Variants in DPP6 observed in about 807,000 individuals in gnomAD.
DPP6 encodes the protein dipeptidyl peptidase like 6, also known as A-type potassium channel modulatory protein DPP6.
A neutral mutation model predicts 122.6 loss-of-function variants in DPP6; 69 were observed. The observed-to-expected ratio is 0.56, with a 90% CI of 0.46 to 0.69. DPP6 has a LOEUF of 0.69. Among genes scored for constraint, DPP6 ranks in the 30% least tolerant of loss-of-function variants. DPP6 has a pLI of 0.00. For missense variants in DPP6, 928 were observed against 1,116.9 expected, an observed-to-expected ratio of 0.83 and a Z score of 2.41; for synonymous variants, 418 against 433.1, an observed-to-expected ratio of 0.97 and a Z score of 0.43.
intron 5 of DPP6, among the ~76,000 whole-genome samples, chr7:154,572,084 T>TA (rs1831146455): frequency 6.6e-6 from 1 of 152,168 alleles, no homozygotes; most frequent in Admixed American, 6.5e-5. Flanking sequence ...TTCTGCTCAG[T>TA]CCTGAGAGAA....
chr7:154,126,443 C>T (rs575455782), intron 1 of DPP6, among the ~76,000 whole-genome samples: 1 of 151,826 alleles, frequency 6.6e-6, no homozygotes, highest in Non-Finnish European at 1.5e-5. Flanking sequence ...GTGCTGTCAT[C>T]TTATGAGGGC....
chr7:154,172,483 T>C (rs1016487710), intron 1 of DPP6, among the ~76,000 whole-genome samples: 1 of 152,216 alleles, frequency 6.6e-6, no homozygotes, highest in Non-Finnish European at 1.5e-5. Context: ...TGTTGAAACA[T>C]GAACCAAAAC....
intron 17 of DPP6, among the ~76,000 whole-genome samples, chr7:154,860,270 G>A (rs188644843): frequency 2.6e-5 from 4 of 152,218 alleles, no homozygotes; most frequent in East Asian, 3.9e-4. Context: ...AGCACAGGGC[G>A]CCCACACATG....
intron 1 of DPP6, among the ~76,000 whole-genome samples, chr7:154,014,822 A>G (rs141658434): frequency 0.015 from 2,321 of 152,132 alleles, 21 homozygotes; most frequent in Middle Eastern, 0.027. Context: ...ATGAGGCAGC[A>G]ATCCTGGTTC....
chr7:153,758,658 A>C, the DPP6 span, among the ~76,000 whole-genome samples: 9 of 152,266 alleles, frequency 5.9e-5, no homozygotes, highest in African/African-American at 2.2e-4. Flanking sequence ...ACTTTCACTA[A>C]GTATAATTAT....
chr7:154,498,250 G>A (rs555620166), intron 3 of DPP6, among the ~76,000 whole-genome samples: 1 of 152,166 alleles, frequency 6.6e-6, no homozygotes, highest in African/African-American at 2.4e-5. Flanking sequence ...GAGGTGGAAG[G>A]TAATAGAATC....
intron 5 of DPP6, among the ~76,000 whole-genome samples, chr7:154,600,150 T>C (rs1833344805): frequency 6.6e-6 from 1 of 152,000 alleles, no homozygotes. Context: ...TTTTCTGAGA[T>C]GGAGTCTCAC....
At chr7:154,017,651 G>C in intron 1 of DPP6, among the ~76,000 whole-genome samples, 1 of 149,118 alleles carries the variant, frequency 6.7e-6, no homozygotes, top group Non-Finnish European at 1.5e-5. Flanking sequence ...AGTGAGCTAT[G>C]ATGGCACCAC....
At chr7:153,953,442 A>G (rs1477459654) in intron 1 of DPP6, among the ~76,000 whole-genome samples, 1 of 152,046 alleles carries the variant, frequency 6.6e-6, no homozygotes, top group Non-Finnish European at 1.5e-5. Context: ...TTTCCCACCA[A>G]CCCTCAAAAT....
At chr7:153,765,622 G>A in the DPP6 span, among the ~76,000 whole-genome samples, 1 of 152,036 alleles carries the variant, frequency 6.6e-6, no homozygotes, top group Non-Finnish European at 1.5e-5. Context: ...TCTACATTCA[G>A]GGGGTATATC....
intron 1 of DPP6, among the ~76,000 whole-genome samples, chr7:154,380,378 A>G (rs1813487837): frequency 6.6e-6 from 1 of 152,368 alleles, no homozygotes; most frequent in Admixed American, 6.5e-5. Flanking sequence ...ATATGTGCAT[A>G]TAGAGGGAGA....
chr7:154,685,057 T>C (rs1839515376), intron 7 of DPP6, among the ~76,000 whole-genome samples: 1 of 152,204 alleles, frequency 6.6e-6, no homozygotes, highest in African/African-American at 2.4e-5. Context: ...TGAACTATAA[T>C]AGAACATCTC....
chr7:154,404,637 A>C (rs571642828), intron 1 of DPP6, among the ~76,000 whole-genome samples: 4 of 152,360 alleles, frequency 2.6e-5, no homozygotes, highest in African/African-American at 9.6e-5. Context: ...TAATGATGGA[A>C]ATTCAAATTA....
chr7:154,334,538 A>G (rs1809231456), intron 1 of DPP6, among the ~76,000 whole-genome samples: 1 of 152,204 alleles, frequency 6.6e-6, no homozygotes, highest in Non-Finnish European at 1.5e-5. Context: ...TCTGGAGTCT[A>G]GTTGCTGCTC....
intron 1 of DPP6, among the ~76,000 whole-genome samples, chr7:154,113,394 C>CATAT (rs143477890): frequency 2.5e-3 from 347 of 139,008 alleles, no homozygotes; most frequent in African/African-American, 8.2e-3. Context: ...TGTTTTCCTA[C>CATAT]ATATATATAT....
chr7:153,806,478 C>G, the DPP6 span, among the ~76,000 whole-genome samples: 16,631 of 148,838 alleles, frequency 0.11, 1,521 homozygotes, highest in African/African-American at 0.25. Context: ...GAAGGAGGTA[C>G]AGTGGGTGTG....
intron 1 of DPP6, among the ~76,000 whole-genome samples, chr7:154,093,340 T>C: frequency 7.2e-6 from 1 of 139,748 alleles, no homozygotes; most frequent in Non-Finnish European, 1.5e-5. Context: ...CACCACATCA[T>C]ACACAGCATA....
intron 7 of DPP6, among the ~76,000 whole-genome samples, chr7:154,671,484 G>A (rs1354068773): frequency 2.0e-5 from 3 of 151,976 alleles, no homozygotes; most frequent in Non-Finnish European, 4.4e-5. Flanking sequence ...TCACCCAGCG[G>A]CTGTAACTCA....
the DPP6 span, among the ~76,000 whole-genome samples, chr7:153,843,710 C>T: frequency 6.6e-6 from 1 of 152,144 alleles, no homozygotes; most frequent in East Asian, 1.9e-4. Context: ...GAGATAAGAA[C>T]TTACAATATA....
Sources: gnomAD v4.1 joint callset for allele counts (sites outside exome capture counted in the v4.1 genomes callset) on GRCh38, gnomAD v4.1.1 for gene constraint, MANE v1.5 for transcripts, NCBI Gene and HGNC (gene_info 2026-07-23, HGNC 2026-07-21) for gene names.